The following TMEM132D variants were observed in gnomAD, a reference collection of about 807,000 sequenced individuals.
TMEM132D encodes mature OL transmembrane protein.
TMEM132D carries 21 observed loss-of-function variants against 62.3 expected under a neutral mutation model. The ratio of observed to expected loss-of-function variants is 0.34; its 90% CI spans 0.24 to 0.49. TMEM132D has a LOEUF of 0.49. Among genes scored for constraint, TMEM132D ranks in the 20% least tolerant of loss-of-function variants. The pLI is 0.99. For missense variants in TMEM132D, 1,346 were observed against 1,402.8 expected (o/e 0.96, Z 0.65); for synonymous variants, 621 against 575.6 (o/e 1.08, Z -1.13).
rs543326299 is a variant in TMEM132D, at chr12:129,591,816, T to G, written c.969-60611A>C. ...ACATGAAGAATTTTGAGTTTGAGAG[T>G]GTAGGACATGATGCATATTTAAATG... On this transcript the variant is annotated intron_variant, in intron 2 of 8. Transcript: ENST00000422113. Among the ~76,000 whole-genome samples the G allele has an allele frequency of 8.5e-5, 13 of 152,056 alleles. No individual in the cohort carries two copies. In the South Asian group the frequency reaches 2.1e-3, roughly 24 times the overall value.
chr12:129,604,819 G>C (rs1180063229), intron 2 of TMEM132D, among the ~76,000 whole-genome samples: 1 of 152,106 alleles, frequency 6.6e-6, no homozygotes, highest in Non-Finnish European at 1.5e-5. Context: ...CAGTTCCAGA[G>C]ACCCAGCTAA....
At chr12:129,161,272 G>A (rs980308965) in intron 5 of TMEM132D, among the ~76,000 whole-genome samples, 1 of 152,090 alleles carries the variant, frequency 6.6e-6, no homozygotes, top group African/African-American at 2.4e-5. Flanking sequence ...ATGGTAAAAA[G>A]GACCTTGATT....
chr12:129,715,788 T>C (rs763213514), intron 1 of TMEM132D, among the ~76,000 whole-genome samples: 3 of 152,254 alleles, frequency 2.0e-5, no homozygotes, highest in Non-Finnish European at 4.4e-5. Flanking sequence ...AATATCATCT[T>C]TTAGCAAAGA....
intron 4 of TMEM132D, among the ~76,000 whole-genome samples, chr12:129,218,833 G>A (rs151154458): frequency 3.3e-5 from 5 of 152,276 alleles, no homozygotes; most frequent in East Asian, 1.9e-4. Flanking sequence ...TGCAGGAGGC[G>A]GGAGTGAGGC....
chr12:129,275,300 TA>T (rs1303272610), intron 4 of TMEM132D, among the ~76,000 whole-genome samples: 2 of 151,730 alleles, frequency 1.3e-5, no homozygotes, highest in African/African-American at 4.8e-5. Context: ...TAAAATAAAA[TA>T]AAATAATAAT....
At chr12:129,395,221 A>G (rs2135696659) in intron 3 of TMEM132D, among the ~76,000 whole-genome samples, 1 of 152,320 alleles carries the variant, frequency 6.6e-6, no homozygotes, top group East Asian at 1.9e-4. Flanking sequence ...AGTATTAAGG[A>G]TAGCGAGAAT....
chr12:129,229,795 G>C (rs1019527316), intron 4 of TMEM132D, among the ~76,000 whole-genome samples: 1 of 152,146 alleles, frequency 6.6e-6, no homozygotes, highest in African/African-American at 2.4e-5. Flanking sequence ...TAACCTGCAA[G>C]CCACAGGGAT....
At chr12:129,530,485 G>A (rs141735588) in intron 3 of TMEM132D, among the ~76,000 whole-genome samples, 99 of 152,284 alleles carry the variant, frequency 6.5e-4, no homozygotes, top group Middle Eastern at 3.4e-3. Context: ...GCTGTGAATT[G>A]ATTGTTTCTA....
chr12:129,418,310 C>G (rs1872189689), intron 3 of TMEM132D, among the ~76,000 whole-genome samples: 1 of 152,106 alleles, frequency 6.6e-6, no homozygotes, highest in African/African-American at 2.4e-5. Context: ...TGGAACCAAC[C>G]CAAATGCCCG....
At chr12:129,398,679 G>T (rs969268998) in intron 3 of TMEM132D, among the ~76,000 whole-genome samples, 1 of 152,186 alleles carries the variant, frequency 6.6e-6, no homozygotes, top group South Asian at 2.1e-4. Context: ...AGCTGGGGAA[G>T]ATTGGATGTC....
Position 129,371,280 on chromosome 12 carries a change from GTGACGA to G in TMEM132D, c.1116-33469_1116-33464del, listed in dbSNP as rs1870590223. ...GATGATGATGATGAAGGTGGTGTTGGTGACGATGATGATGATGATGGAGATAATGAT... is the reference window on the plus strand; with the variant it reads ...GATGATGATGATGAAGGTGGTGTTGGTGATGATGATGATGGAGATAATGAT... On this transcript the variant is annotated intron_variant, in intron 3 of 8. Transcript: ENST00000422113. The surrounding 1 kb of genome is among the most constrained non-coding windows in gnomAD (Gnocchi z 4.3). Among the ~76,000 whole-genome samples, 1 of 151,850 alleles carries G rather than the reference GTGACGA, an allele frequency of 6.6e-6. No individual in the cohort carries two copies. The highest frequency in any genetic ancestry group is 1.5e-5 in the Non-Finnish European group (1 of 67,954).
chr12:129,830,593 T>C (rs906059429), intron 1 of TMEM132D, among the ~76,000 whole-genome samples: 1 of 152,084 alleles, frequency 6.6e-6, no homozygotes, highest in East Asian at 1.9e-4. Context: ...CATAAATTGA[T>C]TGATGTCTCC....
intron 3 of TMEM132D, among the ~76,000 whole-genome samples, chr12:129,353,147 A>G (rs74554152): frequency 0.038 from 3,622 of 95,598 alleles, 93 homozygotes; most frequent in African/African-American, 0.11. Flanking sequence ...TCTTCTTTTT[A>G]TCCTGGAAGA....
intron 3 of TMEM132D, among the ~76,000 whole-genome samples, chr12:129,356,613 T>G (rs1034554980): frequency 1.3e-5 from 2 of 148,498 alleles, no homozygotes; most frequent in Non-Finnish European, 3.0e-5. Flanking sequence ...ACCCCAGGAG[T>G]TGGAGACTAT....
chr12:129,554,781 A>G (rs1384619729), intron 2 of TMEM132D, among the ~76,000 whole-genome samples: 1 of 152,162 alleles, frequency 6.6e-6, no homozygotes, highest in Non-Finnish European at 1.5e-5. Flanking sequence ...AAGGCTTAGG[A>G]GCACCAGGTG....
chr12:129,646,955 C>A (rs533962572), intron 2 of TMEM132D, among the ~76,000 whole-genome samples: 2 of 151,790 alleles, frequency 1.3e-5, no homozygotes, highest in African/African-American at 2.4e-5. Context: ...GTCGCCACCA[C>A]GCTTGGCTAA....
At chr12:129,513,945 C>T (rs1259908599) in intron 3 of TMEM132D, among the ~76,000 whole-genome samples, 1 of 151,308 alleles carries the variant, frequency 6.6e-6, no homozygotes, top group Non-Finnish European at 1.5e-5. Context: ...TTGTGCCATT[C>T]TCCTGCCTCA....
intron 1 of TMEM132D, among the ~76,000 whole-genome samples, chr12:129,888,174 C>T (rs1668844429): frequency 6.6e-6 from 1 of 152,126 alleles, no homozygotes; most frequent in South Asian, 2.1e-4. Flanking sequence ...TATTTAATCA[C>T]AACAGTAATT....
chr12:129,395,560 G>T (rs928588811), intron 3 of TMEM132D, among the ~76,000 whole-genome samples: 1 of 152,012 alleles, frequency 6.6e-6, no homozygotes, highest in Non-Finnish European at 1.5e-5. Context: ...AAAATGTCCA[G>T]ACAGGCAAAT....
Sources: gnomAD v4.1 joint callset for allele counts (sites outside exome capture counted in the v4.1 genomes callset) on GRCh38, gnomAD v4.1.1 for gene constraint, Gnocchi (gnomAD v3.1) non-coding constraint, MANE v1.5 for transcripts, NCBI Gene and HGNC (gene_info 2026-07-23, HGNC 2026-07-21) for gene names.